RBMS3: variants seen among roughly 807,000 people sequenced by gnomAD.
RBMS3 encodes RNA binding motif single stranded interacting protein 3.
A neutral mutation model predicts 66.8 loss-of-function variants in RBMS3; 27 were observed. The observed-to-expected ratio is 0.40, with a 90% confidence interval of 0.30 to 0.56. RBMS3 has a LOEUF of 0.56. RBMS3 is among the 20% of genes least tolerant of loss of function. The pLI is 0.40. For synonymous variants in RBMS3, 188 were observed against 183.0 expected (o/e 1.03, Z -0.22); for missense variants, 513 against 549.5 (o/e 0.93, Z 0.66).
chr3:29,368,323 A>C (rs1264037695), intron 1 of RBMS3, among the ~76,000 whole-genome samples: 1 of 152,174 alleles, frequency 6.6e-6, no homozygotes, highest in African/African-American at 2.4e-5. Context: ...TGGGAAGATG[A>C]AATTGTCCTT....
In RBMS3 at chr3:29,329,912, A is replaced by AACTATAGAATTAATATATATATTAATATG. The variant is rs2035557894; in HGVS notation, c.75+48184_75+48185insGACTATAGAATTAATATATATATTAATAT. Among the ~76,000 whole-genome samples, 2 of 147,664 alleles carry AACTATAGAATTAATATATATATTAATATG rather than the reference A, an allele frequency of 1.4e-5. 1 individual carries two copies. The highest frequency in any genetic ancestry group is 4.9e-5 in the African/African-American group (2 of 40,740). ...ATATAATTAATATATATATTAATATAACTATAGAATTAATATATATATTAA... is the reference window on the plus strand; with the variant it reads ...ATATAATTAATATATATATTAATATAACTATAGAATTAATATATATATTAATATGACTATAGAATTAATATATATATTAA... On this transcript the variant is annotated intron_variant, in intron 1 of 14. Coordinates refer to ENST00000383767, the MANE Select transcript of RBMS3 (RefSeq NM_001003793.3).
At chr3:29,632,740 TGTAGAAAACTTAATAAGCAAAGAATG>T (rs2049329768) in intron 4 of RBMS3, among the ~76,000 whole-genome samples, 1 of 151,898 alleles carries the variant, frequency 6.6e-6, no homozygotes, top group South Asian at 2.1e-4. Context: ...GATTTATGAA[TGTAGAAAACTTAATAAGCAAAGAATG>T]GATCTTTGTG....
At chr3:29,700,959 G>A (rs894643634) in intron 4 of RBMS3, among the ~76,000 whole-genome samples, 1 of 152,066 alleles carries the variant, frequency 6.6e-6, no homozygotes, top group Non-Finnish European at 1.5e-5. Flanking sequence ...GAAAGGGCCT[G>A]GACTTGAAGG....
chr3:29,610,430 T>G (rs2048455906), intron 4 of RBMS3, among the ~76,000 whole-genome samples: 2 of 152,080 alleles, frequency 1.3e-5, no homozygotes, highest in South Asian at 2.1e-4. Context: ...TTTTCAGATG[T>G]CTGTGTAGAT....
intron 2 of RBMS3, among the ~76,000 whole-genome samples, chr3:29,438,628 G>C (rs116211084): frequency 6.6e-6 from 1 of 152,134 alleles, no homozygotes; most frequent in Non-Finnish European, 1.5e-5. Flanking sequence ...AAATCTAGTT[G>C]TACCTATGTT....
At chr3:29,310,814 A>T (rs995815326) in intron 1 of RBMS3, among the ~76,000 whole-genome samples, 2 of 151,648 alleles carry the variant, frequency 1.3e-5, no homozygotes, top group Non-Finnish European at 2.9e-5. Flanking sequence ...CATCTGGCAT[A>T]TTTGTCCCTG....
intron 12 of RBMS3, among the ~76,000 whole-genome samples, chr3:29,981,602 A>G (rs892006894): frequency 2.0e-5 from 3 of 152,124 alleles, no homozygotes; most frequent in African/African-American, 7.2e-5. Context: ...GATACGTTCC[A>G]TCAATATCTA....
intron 1 of RBMS3, among the ~76,000 whole-genome samples, chr3:29,369,248 A>C (rs116402136): frequency 0.016 from 2,468 of 152,094 alleles, 23 homozygotes; most frequent in Middle Eastern, 0.034. Flanking sequence ...ATAATCTTAC[A>C]ACCAACCCCC....
chr3:29,876,233 A>T (rs897753522), intron 7 of RBMS3, among the ~76,000 whole-genome samples: 36 of 152,260 alleles, frequency 2.4e-4, no homozygotes, highest in African/African-American at 8.4e-4. Context: ...TTGAGCCCAC[A>T]TCATCAGGAA....
intron 2 of RBMS3, among the ~76,000 whole-genome samples, chr3:29,482,725 T>TTTTTTTTC (rs869131742): frequency 7.1e-6 from 1 of 141,372 alleles, no homozygotes; most frequent in Non-Finnish European, 1.5e-5. Flanking sequence ...TTTTTTTTTT[T>TTTTTTTTC]GAGACGGAGT....
chr3:29,502,471 T>C (rs1576031041), intron 3 of RBMS3, among the ~76,000 whole-genome samples: 2 of 152,146 alleles, frequency 1.3e-5, no homozygotes, highest in African/African-American at 4.8e-5. Context: ...ATGTTTTGAG[T>C]TCGCATAAAG....
chr3:29,497,513 C>T (rs115869998), intron 3 of RBMS3, among the ~76,000 whole-genome samples: 4 of 152,106 alleles, frequency 2.6e-5, no homozygotes, highest in Non-Finnish European at 4.4e-5. Context: ...TGACTCATGT[C>T]GATAAACATA....
At chr3:29,361,467 G>A (rs908344551) in intron 1 of RBMS3, among the ~76,000 whole-genome samples, 1 of 152,140 alleles carries the variant, frequency 6.6e-6, no homozygotes, top group Non-Finnish European at 1.5e-5. Flanking sequence ...CTTTCTCTCT[G>A]TCTGCCCTTA....
intron 2 of RBMS3, among the ~76,000 whole-genome samples, chr3:29,487,803 A>T (rs2148912286): frequency 6.6e-6 from 1 of 152,288 alleles, no homozygotes; most frequent in South Asian, 2.1e-4. Context: ...TTATATTATT[A>T]TAGATGATCA....
intron 10 of RBMS3, among the ~76,000 whole-genome samples, chr3:29,908,663 A>C (rs2060442469): frequency 6.6e-6 from 1 of 152,100 alleles, no homozygotes; most frequent in Non-Finnish European, 1.5e-5. Flanking sequence ...TAGCTATACC[A>C]ATCATTGACT....
rs970681909 is a variant in RBMS3 at position 29,336,531 on chromosome 3, C to T, written c.75+54775C>T. Reference sequence around the variant, plus strand: ...ACCCCAAAGATACTGATGGCAATGACTTTATTGCGGAACGAAAGGATTACT... The same window carrying T: ...ACCCCAAAGATACTGATGGCAATGATTTTATTGCGGAACGAAAGGATTACT... On this transcript the variant is annotated intron_variant, in intron 1 of 14. Transcript: ENST00000383767. Among the ~76,000 whole-genome samples, 6 of 152,102 alleles carry T rather than the reference C, an allele frequency of 3.9e-5. No individual in the cohort carries two copies. The South Asian group carries it at 8.3e-4, about 21-fold the overall frequency.
chr3:29,816,158 T>C (rs1280656843), intron 6 of RBMS3, among the ~76,000 whole-genome samples: 1 of 152,118 alleles, frequency 6.6e-6, no homozygotes, highest in African/African-American at 2.4e-5. Flanking sequence ...GTTTGACCTC[T>C]TTAAGGGCCT....
chr3:29,377,665 G>A (rs2038547766), intron 1 of RBMS3, among the ~76,000 whole-genome samples: 1 of 152,096 alleles, frequency 6.6e-6, no homozygotes, highest in South Asian at 2.1e-4. Context: ...CCTGACTTTG[G>A]ACCATGTGTG....
At chr3:29,640,415 C>T (rs1021003315) in intron 4 of RBMS3, among the ~76,000 whole-genome samples, 3 of 151,842 alleles carry the variant, frequency 2.0e-5, no homozygotes, top group African/African-American at 7.3e-5. Context: ...CATTCTTAGA[C>T]ATTTTAAACA....
Sources: gnomAD v4.1 joint callset for allele counts (sites outside exome capture counted in the v4.1 genomes callset) on GRCh38, gnomAD v4.1.1 for gene constraint, MANE v1.5 for transcripts, NCBI Gene and HGNC (gene_info 2026-07-23, HGNC 2026-07-21) for gene names.